PTPRD: variants seen among roughly 807,000 people sequenced by gnomAD.
The protein encoded by PTPRD is receptor-type tyrosine-protein phosphatase delta.
Under a neutral mutation model 214.5 loss-of-function variants are expected in PTPRD, and 34 were observed. That is an observed-to-expected ratio of 0.16 (90% CI 0.12 to 0.21). The LOEUF (loss-of-function observed/expected upper bound fraction) is 0.21. PTPRD is among the 10% of genes least tolerant of loss of function. The pLI is 1.00. For missense variants in PTPRD, 2,545 were observed against 2,398.7 expected, an observed-to-expected ratio of 1.06 and a Z score of -1.27; for synonymous variants, 1,128 against 845.7, an observed-to-expected ratio of 1.33 and a Z score of -5.79.
At chr9:9,179,669 A>T (rs1341685671) in intron 10 of PTPRD, among the ~76,000 whole-genome samples, 4 of 152,102 alleles carry the variant, frequency 2.6e-5, no homozygotes, top group Admixed American at 2.6e-4. Context: ...TTACAGTCAT[A>T]GACACTTAAG....
chr9:10,199,726 C>T (rs917822377), intron 3 of PTPRD, among the ~76,000 whole-genome samples: 1 of 151,836 alleles, frequency 6.6e-6, no homozygotes, highest in African/African-American at 2.4e-5. Flanking sequence ...TCTGAATTTC[C>T]AACCCACCCA....
chr9:9,278,698 G>C (rs1042491849), intron 9 of PTPRD, among the ~76,000 whole-genome samples: 1 of 151,370 alleles, frequency 6.6e-6, no homozygotes, highest in African/African-American at 2.4e-5. Flanking sequence ...TTTAGTGTCA[G>C]TCAGACCTGC....
At chr9:10,033,430 T>G (rs1178059404) in intron 4 of PTPRD, among the ~76,000 whole-genome samples, 2 of 151,880 alleles carry the variant, frequency 1.3e-5, no homozygotes, top group African/African-American at 2.4e-5. Flanking sequence ...ATTCTAAAAA[T>G]TAGCTAAAAG....
At chr9:9,216,639 TTCTTA>T (rs1338704161) in intron 9 of PTPRD, among the ~76,000 whole-genome samples, 1 of 152,178 alleles carries the variant, frequency 6.6e-6, no homozygotes. Context: ...ATTGTAGGTG[TTCTTA>T]TAAGTCTTCA....
intron 10 of PTPRD, among the ~76,000 whole-genome samples, chr9:9,169,509 T>A (rs945998076): frequency 6.6e-6 from 1 of 152,112 alleles, no homozygotes. Flanking sequence ...AATTTTCCAA[T>A]TAAAAAATGA....
intron 2 of PTPRD, among the ~76,000 whole-genome samples, chr9:10,414,952 G>C (rs1378936290): frequency 6.6e-6 from 1 of 151,680 alleles, no homozygotes; most frequent in East Asian, 2.0e-4. Context: ...GGAAGAAAGA[G>C]AGGAGCAGAA....
chr9:8,845,590 C>A (rs995581265), intron 11 of PTPRD, among the ~76,000 whole-genome samples: 3 of 152,362 alleles, frequency 2.0e-5, no homozygotes, highest in Non-Finnish European at 4.4e-5. Flanking sequence ...CACAGCCAAT[C>A]CTGTCCCATG....
At chr9:9,816,781 AATAG>A (rs2048916134) in intron 5 of PTPRD, among the ~76,000 whole-genome samples, 1 of 152,192 alleles carries the variant, frequency 6.6e-6, no homozygotes, top group South Asian at 2.1e-4. Flanking sequence ...TTCCTTTAGT[AATAG>A]ATAGTGAACT....
chr9:9,861,922 T>C (rs1396910024), intron 5 of PTPRD, among the ~76,000 whole-genome samples: 4 of 150,688 alleles, frequency 2.7e-5, no homozygotes, highest in African/African-American at 7.5e-5. Flanking sequence ...ATGCTCTGGT[T>C]AAAGAATTTG....
chr9:10,090,824 A>G (rs1463953123), intron 3 of PTPRD, among the ~76,000 whole-genome samples: 1 of 149,042 alleles, frequency 6.7e-6, no homozygotes, highest in Non-Finnish European at 1.5e-5. Flanking sequence ...GAACTATAAA[A>G]TATTAGTGTA....
chr9:10,172,737 T>C (rs879441824), intron 3 of PTPRD, among the ~76,000 whole-genome samples: 13 of 152,212 alleles, frequency 8.5e-5, no homozygotes, highest in Admixed American at 3.3e-4. Context: ...TGTGTTTTGC[T>C]ATCTGCTGAT....
intron 8 of PTPRD, among the ~76,000 whole-genome samples, chr9:9,410,942 G>C (rs1363425272): frequency 2.6e-5 from 4 of 152,058 alleles, no homozygotes; most frequent in Non-Finnish European, 5.9e-5. Context: ...CTAAATTGAG[G>C]CTTAGAATAA....
chr9:8,317,046 T>C lies in PTPRD; in HGVS notation c.*828A>G. On this transcript the variant is annotated 3_prime_UTR_variant, in exon 46 of 46. Transcript: ENST00000381196. ...TGATTCCAAAAACAAAACAAAATAATAATTATCTTTGATTATTTGAAGAGA... is the reference window on the plus strand; with the variant it reads ...TGATTCCAAAAACAAAACAAAATAACAATTATCTTTGATTATTTGAAGAGA... 4.3e-6 allele frequency: 1 copy of C among 231,712 alleles called. No homozygotes were observed. 14.4% of individuals were successfully genotyped at this position (231,712 alleles called of 1,614,324 possible). A position where few individuals can be genotyped will look rare whatever the true frequency, so the allele number is the denominator to read the frequency against.
chr9:8,467,375 T>C (rs1041317700), intron 31 of PTPRD, among the ~76,000 whole-genome samples: 1 of 151,876 alleles, frequency 6.6e-6, no homozygotes, highest in Non-Finnish European at 1.5e-5. Flanking sequence ...CTGATAATTA[T>C]AACAATAATA....
At chr9:8,594,863 T>A (rs1240362738) in intron 14 of PTPRD, among the ~76,000 whole-genome samples, 21 of 144,062 alleles carry the variant, frequency 1.5e-4, no homozygotes, top group Non-Finnish European at 1.7e-4. Context: ...TTAACCCCTT[T>A]TTTTTTTTTT....
At chr9:8,670,546 A>T (rs2097262205) in intron 12 of PTPRD, among the ~76,000 whole-genome samples, 1 of 152,218 alleles carries the variant, frequency 6.6e-6, no homozygotes, top group Non-Finnish European at 1.5e-5. Context: ...CTGCTTCACA[A>T]CAGTAACCAC....
intron 12 of PTPRD, among the ~76,000 whole-genome samples, chr9:8,692,486 GCCTCAT>G (rs2097828372): frequency 6.6e-6 from 1 of 152,074 alleles, no homozygotes; most frequent in Non-Finnish European, 1.5e-5. Context: ...ATTAACCATT[GCCTCAT>G]CTTTCCTAGC....
Position 8,763,737 on chromosome 9 carries a change from T to C in PTPRD, c.-103-29791A>G, listed in dbSNP as rs540782065. Among the ~76,000 whole-genome samples the C allele has an allele frequency of 7.6e-4, 115 of 151,208 alleles. 2 individuals are homozygous for C. The highest frequency in any genetic ancestry group is 8.5e-4 in the Non-Finnish European group (58 of 67,872). On this transcript the variant is annotated intron_variant, in intron 11 of 45. Coordinates refer to ENST00000381196, the MANE Select transcript of PTPRD (RefSeq NM_002839.4). ...TGCTATTTTTGAGAAAAGTTTTTCG[T>C]TTTCTAGAAGAGAATGATCATAAGT... is the stretch of plus-strand genomic sequence containing the variant.
intron 7 of PTPRD, among the ~76,000 whole-genome samples, chr9:9,615,691 T>C (rs1192452137): frequency 6.6e-6 from 1 of 152,198 alleles, no homozygotes; most frequent in Non-Finnish European, 1.5e-5. Flanking sequence ...CATTTTGCTA[T>C]CATAAGGGCT....
Sources: gnomAD v4.1 joint callset for allele counts (sites outside exome capture counted in the v4.1 genomes callset) on GRCh38, gnomAD v4.1.1 for gene constraint, MANE v1.5 for transcripts, NCBI Gene and HGNC (gene_info 2026-07-23, HGNC 2026-07-21) for gene names.